Variants in CBR4 observed in about 807,000 individuals in gnomAD.
CBR4 encodes 3-oxoacyl-[acyl-carrier-protein] reductase.
Under a neutral mutation model 21.0 loss-of-function variants are expected in CBR4, and 22 were observed. The observed-to-expected ratio is 1.05, with a 90% CI of 0.75 to 1.50. The LOEUF is 1.50. Ranked by LOEUF, CBR4 falls within the 40% of genes most tolerant of loss-of-function variation. CBR4 has a pLI of 0.00. For missense variants in CBR4, 302 were observed against 286.3 expected (o/e 1.05, Z -0.40); for synonymous variants, 100 against 104.4 (o/e 0.96, Z 0.26).
chr4:168,912,613 A>G (rs1040547900), intron 2 of CBR4, among the ~76,000 whole-genome samples: 3 of 152,186 alleles, frequency 2.0e-5, no homozygotes, highest in Admixed American at 1.3e-4. Context: ...AGTTGACACA[A>G]TGATTATACA....
At chr4:168,905,385 T>C (rs1757498944) in intron 2 of CBR4, among the ~76,000 whole-genome samples, 1 of 151,658 alleles carries the variant, frequency 6.6e-6, no homozygotes, top group African/African-American at 2.4e-5. Context: ...CCTGACCTCG[T>C]GATCCGCCCG....
At chr4:168,899,925 A>AG (rs1211566397) in intron 2 of CBR4, among the ~76,000 whole-genome samples, 5 of 152,110 alleles carry the variant, frequency 3.3e-5, no homozygotes, top group African/African-American at 1.2e-4. Flanking sequence ...CTCAAAAAAA[A>AG]AAAAAAGAAA....
At chr4:168,927,797 A>G (rs1299198641) in intron 2 of CBR4, 1 of 217,146 alleles carries the variant, frequency 4.6e-6, no homozygotes, top group East Asian at 6.8e-5. Context: ...GTCGGAACCG[A>G]TAAATTTTAA....
In CBR4 at chr4:168,901,550, T is replaced by C. The variant is rs556969095; in HGVS notation, n.170-6785A>G. Among the ~76,000 whole-genome samples the C allele has an allele frequency of 4.6e-5, 7 of 152,288 alleles. No homozygotes were observed. The East Asian group carries it at 1.4e-3, about 29-fold the overall frequency. The stretch of plus-strand genomic sequence containing the variant: ...AAATTGTATACTTATTACAGCTTCT[T>C]TTTTCCATCAGAAATAGTCAACCAT... On this transcript the variant is annotated intron_variant and non_coding_transcript_variant, in intron 2 of 3. Coordinates refer to the CBR4 transcript ENST00000509108.
At position 168,905,202 on chromosome 4, in the gene CBR4, A is replaced by G. The variant is rs376087600; in HGVS notation, n.170-10437T>C. Among the ~76,000 whole-genome samples the G allele has an allele frequency of 1.1e-3, 148 of 129,934 alleles. No homozygotes were observed. In the East Asian group the frequency reaches 0.027, roughly 24 times the overall value. 85.2% of individuals were successfully genotyped at this position (129,934 alleles called of 152,430 possible). A position where few individuals can be genotyped will look rare whatever the true frequency, so the allele number is the denominator to read the frequency against. ...ATCTCACTCTGTCGCCCAGGCTGGA[A>G]TGCAGTGGCGCGATCTCGGCTCACT... On this transcript the variant is annotated intron_variant and non_coding_transcript_variant, in intron 2 of 3. Transcript: ENST00000509108.
At chr4:168,931,294 ATG>A (rs1762962777) in intron 2 of CBR4, among the ~76,000 whole-genome samples, 1 of 152,020 alleles carries the variant, frequency 6.6e-6, no homozygotes, top group Non-Finnish European at 1.5e-5. Flanking sequence ...CCCTACCTCC[ATG>A]GACATGCCTC....
At chr4:169,009,651 G>T (rs1579039890) in intron 1 of CBR4, among the ~76,000 whole-genome samples, 2 of 152,360 alleles carry the variant, frequency 1.3e-5, no homozygotes, top group South Asian at 2.1e-4. Context: ...GTTAGCACTA[G>T]CCGCAGGGCG....
chr4:168,900,581 G>C (rs1560886047), intron 2 of CBR4, among the ~76,000 whole-genome samples: 1 of 152,084 alleles, frequency 6.6e-6, no homozygotes, highest in Admixed American at 6.5e-5. Context: ...TAGCTCCATG[G>C]CATTGTTTTG....
At chr4:168,898,825 C>A in intron 2 of CBR4, 1 of 778,196 alleles carries the variant, frequency 1.3e-6, no homozygotes, top group South Asian at 1.4e-5. Flanking sequence ...TTCTCAATAC[C>A]CACGATATAA....
Position 168,898,437 on chromosome 4 carries a change from C to T in CBR4, n.170-3672G>A, listed in dbSNP as rs569837211. ...GGCCTTATTGGGGGGCAGGGAGAGA[C>T]GTGACACTTTGTCAGAAGGGATTGA... On this transcript the variant is annotated intron_variant and non_coding_transcript_variant, in intron 2 of 3. Transcript: ENST00000509108. 1.9e-5 allele frequency: 21 copies of T among 1,097,126 alleles called. 1 individual carries two copies. Among genetic ancestry groups the T allele is most frequent in the Middle Eastern group, 5.0e-4 (2 of 3,974 alleles). 68.0% of individuals were successfully genotyped at this position (1,097,126 alleles called of 1,614,324 possible).
At chr4:168,923,893 A>C (rs558251339) in intron 2 of CBR4, among the ~76,000 whole-genome samples, 1 of 150,048 alleles carries the variant, frequency 6.7e-6, no homozygotes, top group African/African-American at 2.4e-5. Context: ...AGGTGGCAGT[A>C]GTTGGTTGAG....
At chr4:168,946,288 G>A (rs529677687) in intron 2 of CBR4, among the ~76,000 whole-genome samples, 1 of 152,308 alleles carries the variant, frequency 6.6e-6, no homozygotes, top group East Asian at 1.9e-4. Context: ...GTCTTCTCTG[G>A]AGAATCTGAC....
intron 4 of CBR4, among the ~76,000 whole-genome samples, chr4:168,996,169 G>C (rs1220043126): frequency 6.6e-6 from 1 of 152,182 alleles, no homozygotes; most frequent in Admixed American, 6.5e-5. Context: ...ACTGAACTCT[G>C]CACTAAAAGT....
chr4:168,929,407 T>G (rs1762895329), intron 2 of CBR4, among the ~76,000 whole-genome samples: 1 of 152,248 alleles, frequency 6.6e-6, no homozygotes, highest in African/African-American at 2.4e-5. Flanking sequence ...TAGACTAGAA[T>G]TGTGTATTTC....
Position 168,947,592 on chromosome 4 carries a change from C to T in CBR4, n.170-52827G>A, listed in dbSNP as rs140027361. Among the ~76,000 whole-genome samples, 155 of 152,252 alleles carry T rather than the reference C, an allele frequency of 1.0e-3. 1 individual carries two copies. Among genetic ancestry groups the T allele is most frequent in the African/African-American group, 3.5e-3 (146 of 41,536 alleles). ...CCACTGTGTCATTCTTATGCCCTTG[C>T]GTCCTCATAGCTTAGCTCCCACATA... On this transcript the variant is annotated intron_variant and non_coding_transcript_variant, in intron 2 of 3. Transcript: ENST00000509108.
At chr4:168,934,273 CAAAAAAAACAAAAAAAAA>C (rs1763044013) in intron 2 of CBR4, among the ~76,000 whole-genome samples, 1 of 10,666 alleles carries the variant, frequency 9.4e-5, no homozygotes, top group African/African-American at 2.6e-4. Context: ...ACTAGAAAAG[CAAAAAAAACAAAAAAAAA>C]AAAAAAAAAA....
At chr4:168,905,651 A>G (rs1236730132) in intron 2 of CBR4, among the ~76,000 whole-genome samples, 4 of 152,096 alleles carry the variant, frequency 2.6e-5, no homozygotes, top group African/African-American at 7.2e-5. Flanking sequence ...GCACATTCTT[A>G]AAGTTCTAAA....
rs903778008 is a variant in CBR4 at position 169,010,184 on chromosome 4, A to T, written c.-95T>A. On this transcript the variant is annotated 5_prime_UTR_variant, in exon 1 of 5. Coordinates refer to ENST00000306193, the MANE Select transcript of CBR4 (RefSeq NM_032783.5). ...TAAACAACCGCGGTTCCAAAAAAAA[A>T]AAAAAGAAAAAAAAAGGCAAACCGC... 5.5e-5 allele frequency: 64 copies of T among 1,162,264 alleles called. No individual in the cohort carries two copies. The African/African-American group carries it at 8.2e-4, about 15-fold the overall frequency. 72.0% of individuals were successfully genotyped at this position (1,162,264 alleles called of 1,614,324 possible).
At chr4:168,938,741 C>T (rs939117161) in intron 2 of CBR4, among the ~76,000 whole-genome samples, 2 of 151,972 alleles carry the variant, frequency 1.3e-5, no homozygotes, top group African/African-American at 2.4e-5. Context: ...ACACATAAAC[C>T]CTCCCAAGAC....
Sources: allele counts gnomAD v4.1 joint callset (sites outside exome capture counted in the v4.1 genomes callset), GRCh38; gene constraint gnomAD v4.1.1; transcripts MANE v1.5; gene names NCBI Gene and HGNC (gene_info 2026-07-23, HGNC 2026-07-21).